Variants in INSR observed in about 807,000 individuals in gnomAD.
INSR encodes insulin receptor.
INSR carries 67 observed loss-of-function variants against 142.6 expected under a neutral mutation model. The observed-to-expected ratio is 0.47, with a 90% confidence interval of 0.39 to 0.58. The LOEUF (loss-of-function observed/expected upper bound fraction) is 0.58. INSR is among the 20% of genes least tolerant of loss of function. The probability of loss-of-function intolerance (pLI) is 0.00; values close to 1 mark genes in which losing one functional copy is unlikely to be tolerated. For missense variants in INSR, 1,248 were observed against 1,833.2 expected (o/e 0.68, Z 5.83); for synonymous variants, 756 against 743.1 (o/e 1.02, Z -0.28).
intron 1 of INSR, among the ~76,000 whole-genome samples, chr19:7,289,452 C>T (rs952086181): frequency 2.0e-5 from 3 of 146,424 alleles, no homozygotes; most frequent in Admixed American, 7.0e-5. Context: ...GTTGCCCAGG[C>T]TAGAATGCAA....
At position 7,136,828 on chromosome 19, in the gene INSR, C is replaced by CATATATATATATATAT. The variant is rs57665258; in HGVS notation, c.2683-4527_2683-4512dup. ...ATGTAAAACTTTATTTATTTATTTA[C>CATATATATATATATAT]ATATATATATATATATATATTGAGA... On this transcript the variant is annotated intron_variant, in intron 13 of 21. Coordinates refer to ENST00000302850, the MANE Select transcript of INSR (RefSeq NM_000208.4). Among the ~76,000 whole-genome samples the CATATATATATATATAT allele has an allele frequency of 7.4e-4, 104 of 139,818 alleles. 2 individuals carry two copies. Among genetic ancestry groups the CATATATATATATATAT allele is most frequent in the African/African-American group, 2.5e-3 (86 of 34,598 alleles). The allele number at this position is 139,818 out of a possible 152,430, so 91.7% of individuals were successfully genotyped here.
In INSR at chr19:7,150,627, A is replaced by G. The variant is rs1599908001; in HGVS notation, c.2232-95T>C. ...CTTGGAGGCCACATGTGTCCGAGTA[A>G]GGGCACCCTGGCTTTGACCCTGGAC... is the stretch of plus-strand genomic sequence containing the variant. On this transcript the variant is annotated intron_variant, in intron 10 of 21. Coordinates refer to ENST00000302850, the MANE Select transcript of INSR (RefSeq NM_000208.4). The surrounding 1 kb of genome is among the most constrained non-coding windows in gnomAD (Gnocchi z 4.2). 1 of 1,210,316 alleles carries G rather than the reference A, an allele frequency of 8.3e-7. No individual in the cohort carries two copies. The highest frequency in any genetic ancestry group is 2.3e-5 in the East Asian group (1 of 42,814). 75.0% of individuals were successfully genotyped at this position (1,210,316 alleles called of 1,614,324 possible).
chr19:7,186,546 AT>A (rs1974436098), intron 2 of INSR, among the ~76,000 whole-genome samples: 1 of 152,114 alleles, frequency 6.6e-6, no homozygotes, highest in African/African-American at 2.4e-5. Context: ...GTTCAGTGGT[AT>A]TAAATACTTT....
intron 9 of INSR, among the ~76,000 whole-genome samples, chr19:7,154,081 A>G (rs1174079760): frequency 6.6e-6 from 1 of 151,610 alleles, no homozygotes; most frequent in Admixed American, 6.6e-5. Context: ...GAATCGCTTG[A>G]ACCTGGGAGG....
In INSR at chr19:7,180,320, A is replaced by C. The variant is rs140912521; in HGVS notation, c.974+3996T>G. Among the ~76,000 whole-genome samples the C allele has an allele frequency of 3.6e-3, 541 of 152,160 alleles. 9 individuals are homozygous for C. Among genetic ancestry groups the C allele is most frequent in the Admixed American group, 0.03 (456 of 15,276 alleles). ...CAAGGTGGGAGGATCACTTAAACCC[A>C]GGAGTTCAAGACGAGCCTGGGGAAT... On this transcript the variant is annotated intron_variant, in intron 3 of 21. Coordinates refer to ENST00000302850, the MANE Select transcript of INSR (RefSeq NM_000208.4).
chr19:7,209,746 C>T (rs1399901344), intron 2 of INSR, among the ~76,000 whole-genome samples: 1 of 152,036 alleles, frequency 6.6e-6, no homozygotes, highest in African/African-American at 2.4e-5. Context: ...AATAGATGTA[C>T]ATGAGGGTAA....
chr19:7,207,702 C>T (rs1038671414), intron 2 of INSR, among the ~76,000 whole-genome samples: 8 of 151,946 alleles, frequency 5.3e-5, no homozygotes, highest in East Asian at 3.9e-4. Context: ...GCAGGAGGAT[C>T]GCTTAAGACC....
chr19:7,273,768 C>T (rs904429136), intron 1 of INSR, among the ~76,000 whole-genome samples: 4 of 151,918 alleles, frequency 2.6e-5, no homozygotes, highest in East Asian at 3.9e-4. Flanking sequence ...CCGCCCACCT[C>T]GGCCTCCCAA....
At chr19:7,140,645 GGT>G (rs1415289107) in intron 13 of INSR, among the ~76,000 whole-genome samples, 1 of 152,046 alleles carries the variant, frequency 6.6e-6, no homozygotes, top group East Asian at 1.9e-4. Context: ...AGTCCCAAGA[GGT>G]ATATTATTTT....
chr19:7,151,293 T>G (rs1251622376), intron 10 of INSR, among the ~76,000 whole-genome samples: 2 of 151,274 alleles, frequency 1.3e-5, no homozygotes, highest in South Asian at 2.1e-4. Flanking sequence ...CCTTCCTTTT[T>G]GAGACAGGGT....
In INSR at chr19:7,116,408, ACACACACACGTG is replaced by A. The variant is rs1379582977; in HGVS notation, c.*636_*647del. 1.3e-5 allele frequency: 2 copies of A among 152,484 alleles called. No individual in the cohort carries two copies. The highest frequency in any genetic ancestry group is 3.9e-4 in the East Asian group (2 of 5,176). 9.4% of individuals were successfully genotyped at this position (152,484 alleles called of 1,614,324 possible). ...CACACACATCAGCCGTGTCTAATGGACACACACACGTGCATACACACGTGAGCACACGCCGGG... is the reference window on the plus strand; with the variant it reads ...CACACACATCAGCCGTGTCTAATGGACATACACACGTGAGCACACGCCGGG... On this transcript the variant is annotated 3_prime_UTR_variant, in exon 22 of 22. Transcript: ENST00000302850.
chr19:7,255,833 C>G (rs561318075), intron 2 of INSR, among the ~76,000 whole-genome samples: 1 of 152,148 alleles, frequency 6.6e-6, no homozygotes, highest in East Asian at 1.9e-4. Context: ...CCTGCCTCGG[C>G]CTCCCAAAGT....
chr19:7,159,266 T>C lies in INSR; in HGVS notation c.2029+3766A>G, dbSNP rs1298607620. Among the ~76,000 whole-genome samples, 1 of 152,034 alleles carries C rather than the reference T, an allele frequency of 6.6e-6. No homozygotes were observed. The highest frequency in any genetic ancestry group is 2.4e-5 in the African/African-American group (1 of 41,392). ...TAAGTGCATTCACAATGTTGTGCAA[T>C]CATCACCACCATCATCTCCGGAACT... On this transcript the variant is annotated intron_variant, in intron 9 of 21. Coordinates refer to ENST00000302850, the MANE Select transcript of INSR (RefSeq NM_000208.4). This position sits in a 1 kb window ranked among gnomAD's most constrained non-coding sequence, Gnocchi z 4.3.
chr19:7,121,391 C>T (rs1048866558), intron 19 of INSR, among the ~76,000 whole-genome samples: 4 of 152,304 alleles, frequency 2.6e-5, no homozygotes, highest in Middle Eastern at 3.4e-3. Flanking sequence ...TGCTGTGACA[C>T]GCAAGGTCCT....
intron 2 of INSR, among the ~76,000 whole-genome samples, chr19:7,250,367 G>C (rs893348090): frequency 4.3e-5 from 6 of 138,466 alleles, no homozygotes; most frequent in Non-Finnish European, 9.3e-5. Context: ...GAAAGAGGAA[G>C]GAGGAGGGAG....
At chr19:7,157,424 ATTTTT>A (rs56136465) in intron 9 of INSR, among the ~76,000 whole-genome samples, 10 of 115,090 alleles carry the variant, frequency 8.7e-5, no homozygotes, top group Admixed American at 8.3e-4. Context: ...CGATTTTTGT[ATTTTT>A]TTTTTTTTTT....
intron 2 of INSR, among the ~76,000 whole-genome samples, chr19:7,238,399 C>T (rs953204695): frequency 6.6e-6 from 1 of 151,958 alleles, no homozygotes; most frequent in African/African-American, 2.4e-5. Context: ...GTGCGTAGAT[C>T]ACTTGAGGTC....
intron 19 of INSR, among the ~76,000 whole-genome samples, chr19:7,121,410 TG>T (rs1414651973): frequency 4.6e-5 from 7 of 152,206 alleles, no homozygotes; most frequent in African/African-American, 1.4e-4. Context: ...CTTCTGGGTC[TG>T]GTTTCTGCCT....
At chr19:7,148,346 TA>T (rs1314134253) in intron 11 of INSR, among the ~76,000 whole-genome samples, 3 of 152,078 alleles carry the variant, frequency 2.0e-5, no homozygotes, top group African/African-American at 7.2e-5. Flanking sequence ...ATTACTACTT[TA>T]GGGGGAAGAC....
Sources: allele counts gnomAD v4.1 joint callset (sites outside exome capture counted in the v4.1 genomes callset), GRCh38; gene constraint gnomAD v4.1.1; non-coding constraint Gnocchi (gnomAD v3.1); transcripts MANE v1.5; gene names NCBI Gene and HGNC (gene_info 2026-07-23, HGNC 2026-07-21).